SPATA16: variants seen among roughly 807,000 people sequenced by gnomAD.
SPATA16 encodes the protein spermatogenesis associated 16.
A neutral mutation model predicts 63.3 loss-of-function variants in SPATA16; 36 were observed. The observed-to-expected ratio is 0.57, with a 90% CI of 0.44 to 0.75. The LOEUF is 0.75. SPATA16 is among the 30% of genes least tolerant of loss of function. The pLI is 0.00. For synonymous variants in SPATA16, 203 were observed against 216.7 expected (o/e 0.94, Z 0.56); for missense variants, 646 against 679.3 (o/e 0.95, Z 0.54).
intron 2 of SPATA16, among the ~76,000 whole-genome samples, chr3:173,098,512 A>C (rs1014889059): frequency 6.6e-6 from 1 of 152,222 alleles, no homozygotes; most frequent in African/African-American, 2.4e-5. Context: ...AAAGCTGTGA[A>C]TGATTTTAAA....
chr3:172,973,319 G>T (rs1734088187), intron 5 of SPATA16, among the ~76,000 whole-genome samples: 1 of 151,980 alleles, frequency 6.6e-6, no homozygotes, highest in Non-Finnish European at 1.5e-5. Context: ...AAATGAATTA[G>T]ATTCTCAGAG....
intron 6 of SPATA16, among the ~76,000 whole-genome samples, chr3:172,936,820 G>C (rs1733006873): frequency 6.6e-6 from 1 of 152,112 alleles, no homozygotes; most frequent in South Asian, 2.1e-4. Context: ...CCATTCTCCT[G>C]CCTCAGCCTC....
chr3:173,131,996 G>C (rs1738399111), intron 1 of SPATA16, among the ~76,000 whole-genome samples: 1 of 151,836 alleles, frequency 6.6e-6, no homozygotes, highest in Non-Finnish European at 1.5e-5. Context: ...GTAAACACTA[G>C]AAACCTACCT....
intron 2 of SPATA16, among the ~76,000 whole-genome samples, chr3:173,072,484 G>A (rs1736697507): frequency 1.3e-5 from 2 of 152,118 alleles, no homozygotes; most frequent in African/African-American, 4.8e-5. Flanking sequence ...TGAGATAATT[G>A]AATCATGGGG....
At chr3:172,981,126 T>C (rs1734304842) in intron 4 of SPATA16, among the ~76,000 whole-genome samples, 2 of 152,210 alleles carry the variant, frequency 1.3e-5, no homozygotes, top group Non-Finnish European at 2.9e-5. Context: ...TGGCTTCCAC[T>C]GTGCCATTAT....
chr3:173,074,983 A>T (rs1736757642), intron 2 of SPATA16, among the ~76,000 whole-genome samples: 1 of 131,774 alleles, frequency 7.6e-6, no homozygotes, highest in East Asian at 2.2e-4. Flanking sequence ...ACAGAGCAAG[A>T]CTCTATCTCA....
intron 4 of SPATA16, among the ~76,000 whole-genome samples, chr3:172,998,993 AT>A (rs966668469): frequency 6.7e-5 from 10 of 150,258 alleles, no homozygotes; most frequent in East Asian, 5.9e-4. Flanking sequence ...CTGGTAGGCA[AT>A]TTTTTTTTTC....
chr3:173,016,677 C>A (rs1462946007), intron 4 of SPATA16, among the ~76,000 whole-genome samples: 3 of 152,070 alleles, frequency 2.0e-5, no homozygotes, highest in Non-Finnish European at 4.4e-5. Context: ...TTGTAAGAGG[C>A]CTGAATCAAA....
At chr3:173,086,401 A>G (rs1015646962) in intron 2 of SPATA16, among the ~76,000 whole-genome samples, 4 of 152,018 alleles carry the variant, frequency 2.6e-5, no homozygotes, top group Non-Finnish European at 5.9e-5. Flanking sequence ...ATGGTTTTCT[A>G]TGATGTCTAT....
chr3:172,972,897 T>G (rs142072566), intron 5 of SPATA16, among the ~76,000 whole-genome samples: 1 of 152,154 alleles, frequency 6.6e-6, no homozygotes, highest in African/African-American at 2.4e-5. Context: ...GTTGATGATA[T>G]AAGCCTAACA....
chr3:173,091,265 A>G, intron 2 of SPATA16, among the ~76,000 whole-genome samples: 1 of 152,284 alleles, frequency 6.6e-6, no homozygotes, highest in East Asian at 1.9e-4. Flanking sequence ...GTAAGAAGAG[A>G]GAATAGACCT....
chr3:173,074,206 G>T (rs557879821), intron 2 of SPATA16, among the ~76,000 whole-genome samples: 1 of 152,184 alleles, frequency 6.6e-6, no homozygotes, highest in Non-Finnish European at 1.5e-5. Context: ...ACTTTGGACT[G>T]TGGACTTTTG....
rs1173409218 is a variant in SPATA16 at position 172,961,030 on chromosome 3, CTCTT to C, written c.934-4210_934-4207del. Among the ~76,000 whole-genome samples, 367 of 55,104 alleles carry C rather than the reference CTCTT, an allele frequency of 6.7e-3. 7 individuals carry two copies. The highest frequency in any genetic ancestry group is 8.8e-3 in the Non-Finnish European group (209 of 23,622). 36.2% of individuals were successfully genotyped at this position (55,104 alleles called of 152,430 possible). A position where few individuals can be genotyped will look rare whatever the true frequency, so the allele number is the denominator to read the frequency against. ...TCTTTCTTTCTTTTTCTCTCTTTCT[CTCTT>C]TCTTTCTTTCTTTCTTCTTTCTTTC... is the stretch of plus-strand genomic sequence containing the variant. On this transcript the variant is annotated intron_variant, in intron 5 of 10. Coordinates refer to ENST00000351008, the MANE Select transcript of SPATA16 (RefSeq NM_031955.6).
intron 10 of SPATA16, among the ~76,000 whole-genome samples, chr3:172,895,456 A>G (rs921089911): frequency 6.6e-6 from 1 of 152,028 alleles, no homozygotes; most frequent in African/African-American, 2.4e-5. Flanking sequence ...TTGCCTCAGC[A>G]TCCCGAGTAG....
chr3:173,032,286 A>G (rs542255832), intron 3 of SPATA16, among the ~76,000 whole-genome samples: 2 of 152,300 alleles, frequency 1.3e-5, no homozygotes, highest in South Asian at 4.1e-4. Flanking sequence ...TCTTGACATG[A>G]CAAATAATTT....
chr3:172,954,677 C>T (rs1733530628), intron 6 of SPATA16, among the ~76,000 whole-genome samples: 2 of 152,250 alleles, frequency 1.3e-5, no homozygotes, highest in Non-Finnish European at 2.9e-5. Flanking sequence ...TTGGAATTGC[C>T]TGGGGGAAAA....
At position 173,056,705 on chromosome 3, in the gene SPATA16, C is replaced by CAA. The variant is rs71162325; in HGVS notation, c.613-7613_613-7612dup. ...GAGCAACAGAGTGAGACTCTTGTTT[C>CAA]AAAAAAAAAAAAAAAAAAAAAAAAG... On this transcript the variant is annotated intron_variant, in intron 2 of 10. Coordinates refer to ENST00000351008, the MANE Select transcript of SPATA16 (RefSeq NM_031955.6). 2.6e-3 allele frequency among the ~76,000 whole-genome samples: 188 copies of CAA among 73,580 alleles called. 3 individuals are homozygous for CAA. Among genetic ancestry groups the CAA allele is most frequent in the Non-Finnish European group, 3.5e-3 (143 of 40,828 alleles). The allele number at this position is 73,580 out of a possible 152,430, so 48.3% of individuals were successfully genotyped here.
At chr3:173,103,007 A>G (rs1001855530) in intron 2 of SPATA16, among the ~76,000 whole-genome samples, 1 of 152,228 alleles carries the variant, frequency 6.6e-6, no homozygotes, top group Non-Finnish European at 1.5e-5. Flanking sequence ...TGCCCCATGC[A>G]TGTCTGAAAC....
intron 5 of SPATA16, among the ~76,000 whole-genome samples, chr3:172,957,265 A>G (rs1223427879): frequency 1.3e-5 from 2 of 152,148 alleles, no homozygotes; most frequent in African/African-American, 4.8e-5. Flanking sequence ...AACTAGACAG[A>G]CGGTATTTTT....
Sources: allele counts gnomAD v4.1 joint callset (sites outside exome capture counted in the v4.1 genomes callset), GRCh38; gene constraint gnomAD v4.1.1; transcripts MANE v1.5; gene names NCBI Gene and HGNC (gene_info 2026-07-23, HGNC 2026-07-21).